DENND5B: variants seen among roughly 807,000 people sequenced by gnomAD.
DENND5B encodes the protein DENN domain containing 5B, also known as DENN domain-containing protein 5B.
In DENND5B, 34 loss-of-function variants were observed where a neutral mutation model predicts 140.6. That is an observed-to-expected ratio of 0.24 (90% confidence interval 0.18 to 0.32). The LOEUF is 0.32. DENND5B is among the 10% of genes least tolerant of loss of function. The probability of loss-of-function intolerance (pLI) is 1.00; values close to 1 mark genes in which losing one functional copy is unlikely to be tolerated. For synonymous variants in DENND5B, 551 were observed against 562.1 expected (o/e 0.98, Z 0.28); for missense variants, 1,142 against 1,560.2 (o/e 0.73, Z 4.52).
At chr12:31,397,313 C>T (rs892686998) in intron 17 of DENND5B, among the ~76,000 whole-genome samples, 1 of 151,928 alleles carries the variant, frequency 6.6e-6, no homozygotes. Flanking sequence ...CTTTCAGAAG[C>T]TAAGGCGGGT....
chr12:31,458,220 A>G (rs1944869931), intron 4 of DENND5B, among the ~76,000 whole-genome samples: 1 of 152,238 alleles, frequency 6.6e-6, no homozygotes, highest in African/African-American at 2.4e-5. Flanking sequence ...AGGTTTCCCA[A>G]CTACAGATAT....
intron 1 of DENND5B, among the ~76,000 whole-genome samples, chr12:31,555,705 C>T (rs536847711): frequency 6.6e-6 from 1 of 152,328 alleles, no homozygotes; most frequent in African/African-American, 2.4e-5. Flanking sequence ...CCACCCAGTT[C>T]GAGCTTCCTG....
chr12:31,452,345 C>G lies in DENND5B; in HGVS notation c.1224G>C (p.Glu408Asp), dbSNP rs377050766. 6.2e-7 allele frequency: 1 copy of G among 1,613,806 alleles called. No homozygotes were observed. The highest frequency in any genetic ancestry group is 1.3e-5 in the African/African-American group (1 of 74,866). ...TACTCTCACTGCAATGTAGGCTGCC[C>G]TCAGGAGGGATCCCAAATTGAACAA... Reference protein sequence around the residue: ...EVLVQFGIPPEGSLHCSESTS... With the variant: ...EVLVQFGIPPDGSLHCSESTS... The change falls in exon 5 of 21, where the codon GAG becomes GAC. Residue 408 changes from glutamate (E) to aspartate (D), a missense_variant. By Grantham distance (45) the Glu-to-Asp change is conservative (BLOSUM62 2). Transcript: ENST00000389082.
At position 31,383,968 on chromosome 12, in the gene DENND5B, CAAATT is replaced by C. The variant is rs997551603; in HGVS notation, c.*3630_*3634del. The C allele has an allele frequency of 6.6e-6, 1 of 150,808 alleles. No homozygotes were observed. 9.3% of individuals were successfully genotyped at this position (150,808 alleles called of 1,614,324 possible). ...ATTTAATTTATTTGCAGGAAAAAAA[CAAATT>C]AAATATTGATTTTTTTATTTACTTT... On this transcript the variant is annotated 3_prime_UTR_variant, in exon 21 of 21. Transcript: ENST00000389082.
chr12:31,427,478 C>A (rs759809378), intron 8 of DENND5B, among the ~76,000 whole-genome samples: 6 of 151,904 alleles, frequency 3.9e-5, no homozygotes, highest in Non-Finnish European at 7.4e-5. Flanking sequence ...TGGTGGTGGA[C>A]GTCTGTAATC....
intron 3 of DENND5B, among the ~76,000 whole-genome samples, chr12:31,475,252 A>G (rs967825178): frequency 6.6e-6 from 1 of 152,180 alleles, no homozygotes; most frequent in African/African-American, 2.4e-5. Context: ...AATTTACTGT[A>G]TGGCAATTTT....
chr12:31,547,004 G>C (rs1948886397), intron 1 of DENND5B, among the ~76,000 whole-genome samples: 1 of 152,184 alleles, frequency 6.6e-6, no homozygotes, highest in African/African-American at 2.4e-5. Flanking sequence ...TGACAGTTCT[G>C]AGTTTTTCTC....
chr12:31,579,036 T>C (rs1217196121), intron 1 of DENND5B, among the ~76,000 whole-genome samples: 1 of 152,256 alleles, frequency 6.6e-6, no homozygotes, highest in Non-Finnish European at 1.5e-5. Flanking sequence ...TTAATAATGC[T>C]AGCACATATC....
chr12:31,392,252 A>C lies in DENND5B; in HGVS notation c.3466+15T>G, dbSNP rs765245154. The C allele has an allele frequency of 1.2e-6, 2 of 1,613,530 alleles. No individual in the cohort carries two copies. Among genetic ancestry groups the C allele is most frequent in the Admixed American group, 1.7e-5 (1 of 59,978 alleles). The stretch of plus-strand genomic sequence containing the variant: ...CTTCAGTGACCTTAATGTAATACAC[A>C]TCTACTTTATTTACCTATGAAGTCC... On this transcript the variant is annotated intron_variant, in intron 19 of 20. Transcript: ENST00000389082.
chr12:31,466,661 C>A (rs930554071), intron 3 of DENND5B, among the ~76,000 whole-genome samples: 5 of 151,744 alleles, frequency 3.3e-5, no homozygotes, highest in African/African-American at 1.2e-4. Flanking sequence ...CCACTGTACT[C>A]CATCCTGGGC....
At chr12:31,422,649 C>T (rs1305352957) in intron 11 of DENND5B, among the ~76,000 whole-genome samples, 1 of 152,032 alleles carries the variant, frequency 6.6e-6, no homozygotes, top group East Asian at 1.9e-4. Context: ...GAAAAGGTTC[C>T]GAAATGGCTG....
rs1395171800 is a variant in DENND5B at position 31,385,541 on chromosome 12, G to C, written c.*2062C>G. 6.6e-6 allele frequency: 1 copy of C among 152,234 alleles called. No homozygotes were observed. The highest frequency in any genetic ancestry group is 1.9e-4 in the East Asian group (1 of 5,208). The allele number at this position is 152,234 out of a possible 1,614,324, so 9.4% of individuals were successfully genotyped here. The stretch of plus-strand genomic sequence containing the variant: ...GATCACCAAACACAGTAGGAGCCCA[G>C]TGTAAAACAGGTTCTGGATATCTCC... On this transcript the variant is annotated 3_prime_UTR_variant, in exon 21 of 21. Transcript: ENST00000389082.
Position 31,452,369 on chromosome 12 carries a change from A to G in DENND5B, c.1200T>C (p.Leu400=). 6.2e-7 allele frequency: 1 copy of G among 1,614,046 alleles called. No homozygotes were observed. The highest frequency in any genetic ancestry group is 8.5e-7 in the Non-Finnish European group (1 of 1,179,902). ...CCTCAGGAGGGATCCCAAATTGAAC[A>G]AGAACCTCAGAGAGTTCTTGGATAA... ...VDFIQELSEV[L]VQFGIPPEGS... The change falls in exon 5 of 21, where the codon CTT becomes CTC. Residue 400 remains leucine (L), a synonymous_variant. Transcript: ENST00000389082.
At position 31,590,951 on chromosome 12, in the gene DENND5B, C is replaced by T; in HGVS notation, c.-119G>A. 9.3e-7 allele frequency: 1 copy of T among 1,081,016 alleles called. No individual in the cohort carries two copies. The highest frequency in any genetic ancestry group is 1.1e-6 in the Non-Finnish European group (1 of 884,964). The allele number at this position is 1,081,016 out of a possible 1,614,324, so 67.0% of individuals were successfully genotyped here. A position where few individuals can be genotyped will look rare whatever the true frequency, so the allele number is the denominator to read the frequency against. ...CCGCCCTAGGGCGACACTGGCGCGCCCATGGCCGCGCAGCCGCCTCTCGCC... is the reference window on the plus strand; with the variant it reads ...CCGCCCTAGGGCGACACTGGCGCGCTCATGGCCGCGCAGCCGCCTCTCGCC... On this transcript the variant is annotated 5_prime_UTR_variant, in exon 1 of 21. Coordinates refer to ENST00000389082, the MANE Select transcript of DENND5B (RefSeq NM_144973.4).
intron 1 of DENND5B, among the ~76,000 whole-genome samples, chr12:31,563,241 A>C (rs1949533734): frequency 6.6e-6 from 1 of 152,198 alleles, no homozygotes; most frequent in African/African-American, 2.4e-5. Context: ...TATCATACAA[A>C]TTTATAACAC....
chr12:31,512,997 TACC>T (rs1342741263), intron 1 of DENND5B, among the ~76,000 whole-genome samples: 1 of 152,188 alleles, frequency 6.6e-6, no homozygotes, highest in Non-Finnish European at 1.5e-5. Context: ...TCACCCAAAA[TACC>T]ACATTAGAGC....
intron 15 of DENND5B, among the ~76,000 whole-genome samples, chr12:31,402,206 T>C (rs560697733): frequency 8.5e-5 from 13 of 152,132 alleles, no homozygotes; most frequent in Non-Finnish European, 1.5e-4. Context: ...TATTTGAATA[T>C]TTCCTGCTTG....
Position 31,479,709 on chromosome 12 carries a change from T to C in DENND5B, c.784A>G (p.Ser262Gly). 6.3e-7 allele frequency: 1 copy of C among 1,596,752 alleles called. No homozygotes were observed. Among genetic ancestry groups the C allele is most frequent in the Non-Finnish European group, 8.5e-7 (1 of 1,171,616 alleles). Reference protein sequence around the residue: ...EPVICQRPGPSELPLSDYPLR... With the variant: ...EPVICQRPGPGELPLSDYPLR... ...GGGTAATCAGAGAGGGGGAGTTCAC[T>C]GGGCCCAGGCCTCTGGCAGATGACA... Residue 262 changes from serine (S) to glycine (G), a missense_variant, in exon 3 of 21, where the codon AGT becomes GGT. Physicochemically the swap from Ser to Gly is moderately conservative, Grantham distance 56. This residue lies in a region of DENND5B where 708 missense variants were observed against 905.5 expected (regional missense o/e 0.78). Coordinates refer to ENST00000389082, the MANE Select transcript of DENND5B (RefSeq NM_144973.4).
Position 31,590,778 on chromosome 12 carries a change from A to C in DENND5B, c.55T>G (p.Cys19Gly). Residue 19 changes from cysteine to glycine, a missense_variant, in exon 1 of 21, where the codon TGC (cysteine) becomes GGC (glycine). By Grantham distance (159) the Cys-to-Gly change is radical. Transcript: ENST00000389082. ...AGCACGAAGTAGTGCGCGAAGCGGC[A>C]GGCGGCCGGGGAGGAGCCCGAGCCC... ...GPGSGSSPAA[C>G]RFAHYFVLCG... The C allele has an allele frequency of 7.2e-7, 1 of 1,382,864 alleles. No homozygotes were observed. The allele number at this position is 1,382,864 out of a possible 1,614,324, so 85.7% of individuals were successfully genotyped here.
Sources: allele counts gnomAD v4.1 joint callset (sites outside exome capture counted in the v4.1 genomes callset), GRCh38; gene constraint gnomAD v4.1.1; regional missense constraint gnomAD v4.1.1; transcripts MANE v1.5; gene names NCBI Gene and HGNC (gene_info 2026-07-23, HGNC 2026-07-21).